POPDC2: variants seen among roughly 807,000 people sequenced by gnomAD.
POPDC2 encodes popeye domain-containing protein 2.
Under a neutral mutation model 30.5 loss-of-function variants are expected in POPDC2, and 24 were observed. That is an observed-to-expected ratio of 0.79 (90% CI 0.57 to 1.11). POPDC2 has a LOEUF of 1.11. Ranked by LOEUF, POPDC2 falls within the 50% of genes least tolerant of loss-of-function variation. POPDC2 has a pLI of 0.00. For missense variants in POPDC2, 409 were observed against 447.0 expected, an observed-to-expected ratio of 0.91 and a Z score of 0.77; for synonymous variants, 185 against 183.3, an observed-to-expected ratio of 1.01 and a Z score of -0.07.
intron 3 of POPDC2, among the ~76,000 whole-genome samples, chr3:119,644,874 A>G (rs1056305159): frequency 2.0e-5 from 3 of 152,264 alleles, no homozygotes; most frequent in African/African-American, 7.2e-5. Flanking sequence ...TAATAACCTT[A>G]TAGCAAGTTT....
At position 119,644,594 on chromosome 3, in the gene POPDC2, G is replaced by A. The variant is rs77070231; in HGVS notation, c.*44-2033C>T. On this transcript the variant is annotated intron_variant, in intron 3 of 3. Transcript: ENST00000493094. ...GTCTCTTCAAAAAGGAGCTCCAGAG[G>A]AAACTCTGACTATTTTCAGTTGGTC... 3.3e-5 allele frequency among the ~76,000 whole-genome samples: 5 copies of A among 152,290 alleles called. No individual in the cohort carries two copies. In the East Asian group the frequency reaches 9.6e-4, roughly 29 times the overall value.
At chr3:119,643,308 C>T in intron 3 of POPDC2, 1 of 1,094,768 alleles carries the variant, frequency 9.1e-7, no homozygotes, top group Middle Eastern at 1.9e-4. Flanking sequence ...TGTGACTTAG[C>T]TATTCAGGGG....
intron 3 of POPDC2, 110 bp downstream of exon 3, chr3:119,648,009 G>T (rs929487699): frequency 4.4e-6 from 4 of 908,104 alleles, no homozygotes; most frequent in South Asian, 2.1e-5. Context: ...GCCACTTTCT[G>T]TGAGTCCTCT....
upstream of POPDC2, chr3:119,660,675 A>ACACCTCCCCC (rs2052934459): frequency 3.9e-4 from 8 of 20,642 alleles, no homozygotes; most frequent in South Asian, 7.2e-4. Flanking sequence ...TCTCCTCCCC[A>ACACCTCCCCC]CCACCCCCGC....
chr3:119,660,153 G>A lies in POPDC2; in HGVS notation c.271C>T (p.Gln91Ter). 6.2e-7 allele frequency: 1 copy of A among 1,614,210 alleles called. No homozygotes were observed. The highest frequency in any genetic ancestry group is 8.5e-7 in the Non-Finnish European group (1 of 1,180,022). ...AGGCGGTATACCAGGTGTGCCAGCT[G>A]GAGCAGGCAGACCACAGCCAGCAGG... ...SFLLAVVCLL[Q>*]LAHLVYRLRE... The change falls in exon 1 of 4, where the codon CAG (glutamine) becomes TAG (stop). Residue 91 changes from glutamine to a stop codon, truncating the protein, a stop_gained. Coordinates refer to ENST00000493094, the MANE Select transcript of POPDC2 (RefSeq NM_001369919.2). LOFTEE classifies it high-confidence loss of function.
chr3:119,645,434 C>T (rs1187702257), intron 3 of POPDC2, among the ~76,000 whole-genome samples: 2 of 152,020 alleles, frequency 1.3e-5, no homozygotes, highest in South Asian at 2.1e-4. Context: ...CGGTGGCGGG[C>T]GCCTATAGTC....
At chr3:119,648,738 A>T in intron 2 of POPDC2, 70 bp from the exon 3 acceptor site, 1 of 1,342,566 alleles carries the variant, frequency 7.4e-7, no homozygotes, top group Non-Finnish European at 1.0e-6. Context: ...CACAGAGATC[A>T]TTCAGTCACT....
rs781749283 is a variant in POPDC2, at chr3:119,648,462, A to G, written c.807T>C (p.His269=). The change falls in exon 3 of 4, where the codon CAT becomes CAC. Residue 269 remains histidine, a synonymous_variant. Coordinates refer to ENST00000493094, the MANE Select transcript of POPDC2 (RefSeq NM_001369919.2). ...RFDIRLPSLY[H]VLGPTAADAG... The stretch of plus-strand genomic sequence containing the variant: ...CATCTGCAGCAGTGGGACCCAGGAC[A>G]TGGTAGAGGCTGGGAAGGCGGATGT... 34 of 1,614,062 alleles carry G rather than the reference A, an allele frequency of 2.1e-5. No individual in the cohort carries two copies. The South Asian group carries it at 3.2e-4, about 15-fold the overall frequency.
At chr3:119,658,481 T>C (rs533621400) in intron 1 of POPDC2, among the ~76,000 whole-genome samples, 4 of 152,352 alleles carry the variant, frequency 2.6e-5, no homozygotes, top group Admixed American at 2.0e-4. Context: ...ATGGGCACCC[T>C]ACACTGGAGG....
intron 1 of POPDC2, among the ~76,000 whole-genome samples, chr3:119,658,740 A>T (rs962760117): frequency 3.3e-5 from 5 of 152,204 alleles, no homozygotes; most frequent in Admixed American, 6.5e-5. Context: ...CTCCTAGCTC[A>T]CTCTATCCAG....
chr3:119,658,436 C>T (rs1373215504), intron 1 of POPDC2, among the ~76,000 whole-genome samples: 1 of 152,246 alleles, frequency 6.6e-6, no homozygotes, highest in Non-Finnish European at 1.5e-5. Flanking sequence ...TCTATCCTAA[C>T]TGAACTATAC....
At chr3:119,643,345 A>G (rs1477521685) in intron 3 of POPDC2, 7 of 1,493,502 alleles carry the variant, frequency 4.7e-6, no homozygotes, top group Non-Finnish European at 6.3e-6. Context: ...TGTTTTCTTT[A>G]GGCCTCCACT....
At chr3:119,649,862 AT>A (rs1376999780) in intron 2 of POPDC2, among the ~76,000 whole-genome samples, 3 of 151,534 alleles carry the variant, frequency 2.0e-5, no homozygotes, top group Non-Finnish European at 2.9e-5. Context: ...TCCTTTATTC[AT>A]TTCCTCCTCT....
intron 2 of POPDC2, among the ~76,000 whole-genome samples, chr3:119,653,823 A>G (rs900586710): frequency 6.6e-6 from 1 of 152,196 alleles, no homozygotes. Context: ...ACTTTCCTTT[A>G]GAGTCTGGGA....
At chr3:119,654,712 G>A in intron 1 of POPDC2, 99 bp from the exon 2 acceptor site, 1 of 844,450 alleles carries the variant, frequency 1.2e-6, no homozygotes. Flanking sequence ...GAATCTTCCT[G>A]TAGAAATACT....
At position 119,652,652 on chromosome 3, in the gene POPDC2, G is replaced by A. The variant is rs78033384; in HGVS notation, c.600+1853C>T. Among the ~76,000 whole-genome samples, 919 of 152,312 alleles carry A rather than the reference G, an allele frequency of 6.0e-3. 6 individuals carry two copies. The highest frequency in any genetic ancestry group is 0.021 in the African/African-American group (889 of 41,558). ...GTCAGAAAGAGGCCTGGTCCAGCTGGCTCAGGTCCTGACTGAGCCCTCCTG... is the reference window on the plus strand; with the variant it reads ...GTCAGAAAGAGGCCTGGTCCAGCTGACTCAGGTCCTGACTGAGCCCTCCTG... On this transcript the variant is annotated intron_variant, in intron 2 of 3. Coordinates refer to ENST00000493094, the MANE Select transcript of POPDC2 (RefSeq NM_001369919.2).
rs190137167 is a variant in POPDC2 at position 119,654,608 on chromosome 3, C to A, written c.497G>T (p.Arg166Leu). ...CAGAAACTGCCCATCCTGGCTCACA[C>A]GAACCCTGGCAAGGGAAGAGAAGAG... The part of the protein sequence containing the change: ...RLSLLLSGRV[R>L]VSQDGQFLHY... The change falls in exon 2 of 4, where the codon CGT becomes CTT. Residue 166 changes from arginine (R) to leucine (L), a missense_variant. Arg to Leu is a moderately radical substitution (Grantham distance 102). Transcript: ENST00000493094. The A allele has an allele frequency of 2.5e-5, 40 of 1,613,096 alleles. No homozygotes were observed. Among genetic ancestry groups the A allele is most frequent in the Middle Eastern group, 3.3e-4 (2 of 6,054 alleles).
At chr3:119,648,984 A>G (rs1254937962) in intron 2 of POPDC2, among the ~76,000 whole-genome samples, 2 of 152,212 alleles carry the variant, frequency 1.3e-5, no homozygotes, top group Non-Finnish European at 2.9e-5. Context: ...GCCACTAATG[A>G]CTGCAGAAAG....
At chr3:119,649,534 G>A (rs1228128610) in intron 2 of POPDC2, among the ~76,000 whole-genome samples, 2 of 152,158 alleles carry the variant, frequency 1.3e-5, no homozygotes, top group East Asian at 1.9e-4. Context: ...GACAGTGCAG[G>A]AAAAGGGTGC....
Sources: allele counts gnomAD v4.1 joint callset (sites outside exome capture counted in the v4.1 genomes callset), GRCh38; gene constraint gnomAD v4.1.1; transcripts MANE v1.5; gene names NCBI Gene and HGNC (gene_info 2026-07-23, HGNC 2026-07-21).